Variants in POU2F1 observed in about 807,000 individuals in gnomAD.
POU2F1 encodes the protein POU domain, class 2, transcription factor 1.
POU2F1 carries 16 observed loss-of-function variants against 84.9 expected under a neutral mutation model. The observed-to-expected ratio is 0.19, with a 90% CI of 0.13 to 0.29. The LOEUF (loss-of-function observed/expected upper bound fraction) is 0.29, where lower values mean the gene tolerates loss of function less well. POU2F1 is among the 10% of genes least tolerant of loss of function. The pLI is 1.00. For missense variants in POU2F1, 738 were observed against 942.6 expected (o/e 0.78, Z 2.84); for synonymous variants, 368 against 368.3 (o/e 1.00, Z 0.01).
intron 1 of POU2F1, among the ~76,000 whole-genome samples, chr1:167,248,929 G>A (rs1220295885): frequency 5.9e-5 from 9 of 152,132 alleles, no homozygotes; most frequent in African/African-American, 1.9e-4. Flanking sequence ...AAAATAACTT[G>A]TCTAGGATCA....
At chr1:167,255,122 C>A (rs929425289) in intron 1 of POU2F1, among the ~76,000 whole-genome samples, 2 of 152,078 alleles carry the variant, frequency 1.3e-5, no homozygotes, top group Admixed American at 6.6e-5. Flanking sequence ...CTCTAATGCA[C>A]GTTTGCTTTT....
At chr1:167,397,071 T>C (rs923509849) in intron 10 of POU2F1, among the ~76,000 whole-genome samples, 1 of 152,168 alleles carries the variant, frequency 6.6e-6, no homozygotes. Flanking sequence ...ATTCAGTAGC[T>C]ATGGGTGAGG....
chr1:167,221,460 G>A (rs1648170002), intron 1 of POU2F1, among the ~76,000 whole-genome samples: 1 of 149,050 alleles, frequency 6.7e-6, no homozygotes, highest in Non-Finnish European at 1.5e-5. Context: ...AAGGGGGATG[G>A]AGGCGGCGGC....
At chr1:167,354,765 A>G (rs532206761) in intron 2 of POU2F1, among the ~76,000 whole-genome samples, 47 of 152,248 alleles carry the variant, frequency 3.1e-4, no homozygotes, top group Admixed American at 9.8e-4. Flanking sequence ...TTTAATTTGC[A>G]TTTCCATAGT....
intron 7 of POU2F1, chr1:167,380,253 T>A (rs1423600561): frequency 6.6e-6 from 1 of 152,218 alleles, no homozygotes; most frequent in African/African-American, 2.4e-5. Context: ...TAGGATACTT[T>A]CAGTGTTCAC....
At chr1:167,261,587 A>C (rs1651571195) in intron 1 of POU2F1, among the ~76,000 whole-genome samples, 1 of 152,220 alleles carries the variant, frequency 6.6e-6, no homozygotes, top group African/African-American at 2.4e-5. Flanking sequence ...TTTTGCATTG[A>C]GGATGACCAA....
intron 1 of POU2F1, among the ~76,000 whole-genome samples, chr1:167,231,273 T>A (rs1022809011): frequency 6.6e-6 from 1 of 152,136 alleles, no homozygotes; most frequent in Non-Finnish European, 1.5e-5. Flanking sequence ...TTCAGAAACA[T>A]CTTTTGGGTG....
At chr1:167,294,940 C>G (rs1466546489) in intron 1 of POU2F1, among the ~76,000 whole-genome samples, 4 of 152,050 alleles carry the variant, frequency 2.6e-5, no homozygotes, top group Admixed American at 2.6e-4. Context: ...TTGAGACCAG[C>G]CTTGCCAACA....
At position 167,329,156 on chromosome 1, in the gene POU2F1, T is replaced by A. The variant is rs982971498; in HGVS notation, c.62-3314T>A. 38 of 1,421,042 alleles carry A rather than the reference T, an allele frequency of 2.7e-5. No homozygotes were observed. The East Asian group carries it at 9.6e-4, about 36-fold the overall frequency. The allele number at this position is 1,421,042 out of a possible 1,614,324, so 88.0% of individuals were successfully genotyped here. ...CACTTTCCACCCTACGCAACCCCCC[T>A]CTTTTCGCTTAAGAACATACTGTAG... On this transcript the variant is annotated intron_variant, in intron 1 of 15. Coordinates refer to ENST00000367866, the MANE Select transcript of POU2F1 (RefSeq NM_002697.4).
intron 2 of POU2F1, among the ~76,000 whole-genome samples, chr1:167,356,450 C>CT (rs1266297138): frequency 6.6e-6 from 1 of 151,978 alleles, no homozygotes; most frequent in Non-Finnish European, 1.5e-5. Context: ...CAGATGTTTT[C>CT]TTTTTTGTCT....
chr1:167,353,331 G>GT (rs1406055424), intron 2 of POU2F1, among the ~76,000 whole-genome samples: 1 of 146,056 alleles, frequency 6.8e-6, no homozygotes, highest in African/African-American at 2.5e-5. Context: ...ACATTTTTCT[G>GT]TTTTTACCTA....
intron 8 of POU2F1, among the ~76,000 whole-genome samples, chr1:167,386,208 G>A (rs1433395852): frequency 6.6e-6 from 1 of 152,062 alleles, no homozygotes; most frequent in African/African-American, 2.4e-5. Flanking sequence ...GGGGGGTGAG[G>A]GGGAGGCAAG....
intron 1 of POU2F1, among the ~76,000 whole-genome samples, chr1:167,324,148 A>T (rs1043530922): frequency 6.6e-6 from 1 of 152,224 alleles, no homozygotes; most frequent in Non-Finnish European, 1.5e-5. Flanking sequence ...GAGCTATAAA[A>T]TAGTAGGGAT....
intron 3 of POU2F1, among the ~76,000 whole-genome samples, chr1:167,367,502 CAG>C (rs369552434): frequency 1.7e-3 from 262 of 152,216 alleles, no homozygotes; most frequent in African/African-American, 6.1e-3. Flanking sequence ...ACATTTCTCT[CAG>C]GGTGATTTTT....
chr1:167,232,388 T>C (rs1392364449), intron 1 of POU2F1, among the ~76,000 whole-genome samples: 2 of 152,216 alleles, frequency 1.3e-5, no homozygotes, highest in Non-Finnish European at 2.9e-5. Context: ...GTTTGTGTCT[T>C]AGTTGTTAAC....
chr1:167,387,167 T>C, intron 8 of POU2F1: 2 of 456,056 alleles, frequency 4.4e-6, no homozygotes, highest in South Asian at 1.5e-5. Context: ...TGAATTCTAC[T>C]CTGCCATTTC....
At chr1:167,414,662 C>T in intron 15 of POU2F1, 2 of 985,312 alleles carry the variant, frequency 2.0e-6, no homozygotes, top group Middle Eastern at 5.2e-4. Flanking sequence ...ATTTCTCACC[C>T]ATTAAAGCAC....
intron 1 of POU2F1, among the ~76,000 whole-genome samples, chr1:167,279,958 C>G (rs919799712): frequency 1.3e-5 from 2 of 152,120 alleles, no homozygotes; most frequent in South Asian, 4.1e-4. Flanking sequence ...GTAATCTCAG[C>G]ACTTTGGGAG....
At chr1:167,402,686 T>A (rs1387754672) in intron 13 of POU2F1, among the ~76,000 whole-genome samples, 1 of 152,222 alleles carries the variant, frequency 6.6e-6, no homozygotes, top group Non-Finnish European at 1.5e-5. Flanking sequence ...GGTTCCAGTT[T>A]TAATAACCTT....
Sources: allele counts gnomAD v4.1 joint callset (sites outside exome capture counted in the v4.1 genomes callset), GRCh38; gene constraint gnomAD v4.1.1; transcripts MANE v1.5; gene names NCBI Gene and HGNC (gene_info 2026-07-23, HGNC 2026-07-21).